The following CFI variants were observed in gnomAD, a reference collection of about 807,000 sequenced individuals.
The protein encoded by CFI is C3B/C4B inactivator.
In CFI, 66 loss-of-function variants were observed where a neutral mutation model predicts 78.8. The ratio of observed to expected loss-of-function variants is 0.84; its 90% CI spans 0.69 to 1.03. The LOEUF (loss-of-function observed/expected upper bound fraction) is 1.03. Ranked by LOEUF, CFI falls within the 50% of genes least tolerant of loss-of-function variation. CFI has a pLI of 0.00. For synonymous variants in CFI, 250 were observed against 232.6 expected, an observed-to-expected ratio of 1.07 and a Z score of -0.68; for missense variants, 706 against 704.5, an observed-to-expected ratio of 1.00 and a Z score of -0.02.
intron 1 of CFI, among the ~76,000 whole-genome samples, chr4:109,780,053 C>T (rs552649947): frequency 1.3e-5 from 2 of 152,170 alleles, no homozygotes; most frequent in East Asian, 1.9e-4. Context: ...TAGAAGAAAA[C>T]GCAGGCAACA....
intron 1 of CFI, among the ~76,000 whole-genome samples, chr4:109,770,537 CAGAGCG>C (rs1728439495): frequency 7.8e-6 from 1 of 128,640 alleles, no homozygotes; most frequent in Admixed American, 9.5e-5. Flanking sequence ...ACCTGGATGA[CAGAGCG>C]AGACTCCATC....
chr4:109,756,435 GGAA>G (rs1358865922), intron 7 of CFI, among the ~76,000 whole-genome samples: 4 of 141,458 alleles, frequency 2.8e-5, no homozygotes, highest in Admixed American at 7.7e-5. Context: ...AAGAAGAAGA[GGAA>G]GAAGGAGGAG....
intron 1 of CFI, among the ~76,000 whole-genome samples, chr4:109,793,228 C>A (rs370720748): frequency 2.0e-5 from 3 of 152,152 alleles, no homozygotes; most frequent in African/African-American, 7.2e-5. Context: ...TGAGAGCATA[C>A]AAAACTCTGT....
At chr4:109,775,113 G>A (rs139033404) in intron 1 of CFI, among the ~76,000 whole-genome samples, 2 of 152,250 alleles carry the variant, frequency 1.3e-5, no homozygotes, top group East Asian at 3.9e-4. Flanking sequence ...CAGAAGACGG[G>A]TGATTTCTGC....
At chr4:109,787,719 T>C (rs914735004) in intron 1 of CFI, among the ~76,000 whole-genome samples, 1 of 152,052 alleles carries the variant, frequency 6.6e-6, no homozygotes, top group Non-Finnish European at 1.5e-5. Context: ...TGCTAATTTT[T>C]AGTCTCTCTA....
At position 109,749,309 on chromosome 4, in the gene CFI, A is replaced by G. The variant is rs1192501147; in HGVS notation, c.1057T>C (p.Trp353Arg). The stretch of plus-strand genomic sequence containing the variant: ...CTGGCATCCTTAATTGCCACCTGCC[A>G]TGGGAGGTCTCCCTGTAAAAGACAT... The part of the protein sequence containing the change: ...GKRAQLGDLP[W>R]QVAIKDASGI... Residue 353 changes from tryptophan to arginine, a missense_variant, in exon 10 of 13, where the codon TGG (tryptophan) becomes CGG (arginine). Transcript: ENST00000394634. The G allele has an allele frequency of 1.9e-6, 3 of 1,613,976 alleles. No individual in the cohort carries two copies.
rs1435901336 is a variant in CFI, at chr4:109,760,089, T to C, written c.883+181A>G. 4 of 699,354 alleles carry C rather than the reference T, an allele frequency of 5.7e-6. No homozygotes were observed. In the South Asian group the frequency reaches 6.0e-5, roughly 10 times the overall value. 43.3% of individuals were successfully genotyped at this position (699,354 alleles called of 1,614,324 possible). A position where few individuals can be genotyped will look rare whatever the true frequency, so the allele number is the denominator to read the frequency against. On this transcript the variant is annotated intron_variant, in intron 6 of 12. Coordinates refer to ENST00000394634, the MANE Select transcript of CFI (RefSeq NM_000204.5). ...TAATAGAAAGTTCTGAAATAACAAGTAGATATTTAGCGGATGAAAATATGA... is the reference window on the plus strand; with the variant it reads ...TAATAGAAAGTTCTGAAATAACAAGCAGATATTTAGCGGATGAAAATATGA...
At chr4:109,789,271 A>G (rs1731090044) in intron 1 of CFI, among the ~76,000 whole-genome samples, 1 of 152,060 alleles carries the variant, frequency 6.6e-6, no homozygotes, top group Non-Finnish European at 1.5e-5. Context: ...TGAGGGAACA[A>G]AAAACATATT....
chr4:109,757,323 C>G (rs1017361133), intron 7 of CFI, among the ~76,000 whole-genome samples: 1 of 152,068 alleles, frequency 6.6e-6, no homozygotes, highest in Non-Finnish European at 1.5e-5. Context: ...CTTAAGCCAC[C>G]GCGCCCGGCA....
chr4:109,761,935 A>G (rs1727122491), intron 3 of CFI: 1 of 461,388 alleles, frequency 2.2e-6, no homozygotes. Flanking sequence ...CACGCCTGTA[A>G]TCCCAGCACT....
At chr4:109,785,958 T>C (rs992268315) in intron 1 of CFI, among the ~76,000 whole-genome samples, 1 of 152,072 alleles carries the variant, frequency 6.6e-6, no homozygotes, top group African/African-American at 2.4e-5. Flanking sequence ...TAAACCTCTT[T>C]CCTTTATAAA....
rs900899333 is a variant in CFI at position 109,772,332 on chromosome 4, G to C, written c.58-5508C>G. ...TTTGAGGATGTTATTAAAGAGGTTT[G>C]TAAATGCATGTGTACACCAGGCTTT... On this transcript the variant is annotated intron_variant, in intron 1 of 12. Transcript: ENST00000394634. Among the ~76,000 whole-genome samples, 8 of 152,362 alleles carry C rather than the reference G, an allele frequency of 5.3e-5. 1 individual carries two copies. The South Asian group carries it at 1.7e-3, about 32-fold the overall frequency.
intron 1 of CFI, among the ~76,000 whole-genome samples, chr4:109,779,036 A>G (rs373330172): frequency 8.5e-5 from 13 of 152,246 alleles, no homozygotes; most frequent in African/African-American, 3.1e-4. Flanking sequence ...ATACTGAATG[A>G]GCAAAAACTG....
At chr4:109,734,529 C>T in the CFI span, among the ~76,000 whole-genome samples, 386 of 152,286 alleles carry the variant, frequency 2.5e-3, 2 homozygotes, top group Middle Eastern at 0.031. Flanking sequence ...ACAGGCAGGA[C>T]GCAGTGGCTC....
At chr4:109,758,130 G>A (rs1485960657) in intron 6 of CFI, among the ~76,000 whole-genome samples, 1 of 152,008 alleles carries the variant, frequency 6.6e-6, no homozygotes, top group Admixed American at 6.5e-5. Flanking sequence ...AACAATGATA[G>A]TTGGCTAAAT....
intron 1 of CFI, among the ~76,000 whole-genome samples, chr4:109,773,375 G>A (rs1039127885): frequency 6.6e-6 from 1 of 152,174 alleles, no homozygotes; most frequent in Non-Finnish European, 1.5e-5. Context: ...AATTAGCGGG[G>A]CATGGTGGCG....
intron 1 of CFI, among the ~76,000 whole-genome samples, chr4:109,767,809 G>A (rs1727973454): frequency 6.6e-6 from 1 of 152,010 alleles, no homozygotes; most frequent in African/African-American, 2.4e-5. Context: ...TATAAATCAT[G>A]CTGCTATAAA....
At chr4:109,777,892 T>A (rs1346012192) in intron 1 of CFI, among the ~76,000 whole-genome samples, 1 of 152,012 alleles carries the variant, frequency 6.6e-6, no homozygotes, top group Non-Finnish European at 1.5e-5. Flanking sequence ...ACTGGGTACA[T>A]AACGAAATGA....
At chr4:109,756,953 GA>G (rs982916942) in intron 7 of CFI, among the ~76,000 whole-genome samples, 2 of 138,926 alleles carry the variant, frequency 1.4e-5, no homozygotes, top group Non-Finnish European at 3.2e-5. Flanking sequence ...AAGAAAGAAA[GA>G]AAGAAAGAAA....
Sources: allele counts gnomAD v4.1 joint callset (sites outside exome capture counted in the v4.1 genomes callset), GRCh38; gene constraint gnomAD v4.1.1; transcripts MANE v1.5; gene names NCBI Gene and HGNC (gene_info 2026-07-23, HGNC 2026-07-21).